APAF1: variants seen among roughly 807,000 people sequenced by gnomAD.
APAF1 encodes apoptotic peptidase activating factor 1.
A neutral mutation model predicts 152.4 loss-of-function variants in APAF1; 91 were observed. The observed-to-expected ratio is 0.60, with a 90% CI of 0.50 to 0.71. The LOEUF (loss-of-function observed/expected upper bound fraction) is 0.71, where lower values mean the gene tolerates loss of function less well. Among genes scored for constraint, APAF1 ranks in the 30% least tolerant of loss-of-function variants. The pLI, the probability that APAF1 is intolerant of heterozygous loss-of-function variation, is 0.00. For missense variants in APAF1, 1,283 were observed against 1,472.0 expected, an observed-to-expected ratio of 0.87 and a Z score of 2.10; for synonymous variants, 484 against 494.1, an observed-to-expected ratio of 0.98 and a Z score of 0.27.
intron 12 of APAF1, among the ~76,000 whole-genome samples, chr12:98,673,184 A>C (rs1020997323): frequency 6.6e-6 from 1 of 152,056 alleles, no homozygotes; most frequent in African/African-American, 2.4e-5. Flanking sequence ...ATGGGATTTA[A>C]ACCTTGGATC....
At chr12:98,720,868 G>A (rs931225196) in intron 22 of APAF1, among the ~76,000 whole-genome samples, 7 of 152,132 alleles carry the variant, frequency 4.6e-5, no homozygotes, top group Admixed American at 1.3e-4. Flanking sequence ...TCAGGAGGCT[G>A]AGGCAGGAGA....
chr12:98,719,102 C>A (rs1254627387), intron 22 of APAF1, among the ~76,000 whole-genome samples: 4 of 152,178 alleles, frequency 2.6e-5, no homozygotes, highest in African/African-American at 7.2e-5. Flanking sequence ...ATTTTGAGAG[C>A]TCACAAGGCT....
intron 13 of APAF1, among the ~76,000 whole-genome samples, chr12:98,679,828 C>T (rs181407546): frequency 5.8e-4 from 89 of 152,396 alleles, no homozygotes; most frequent in Admixed American, 5.5e-3. Flanking sequence ...GCAGTCAGCA[C>T]GTCTGTGCGC....
At chr12:98,680,152 C>G in intron 13 of APAF1, 125 bp from the exon 14 acceptor site, 1 of 951,474 alleles carries the variant, frequency 1.1e-6, no homozygotes, top group Non-Finnish European at 1.5e-6. Flanking sequence ...TTGGGAGTAG[C>G]TTTGCCAAGG....
At chr12:98,705,936 C>T (rs1432674380) in intron 18 of APAF1, among the ~76,000 whole-genome samples, 2 of 152,194 alleles carry the variant, frequency 1.3e-5, no homozygotes, top group African/African-American at 2.4e-5. Context: ...GTCTTGCTTT[C>T]ATCCCTATCC....
In APAF1 at chr12:98,725,559, T is replaced by G. The variant is rs770938196; in HGVS notation, c.3456+19T>G. The G allele has an allele frequency of 3.7e-6, 6 of 1,613,884 alleles. No homozygotes were observed. The South Asian group carries it at 6.6e-5, about 18-fold the overall frequency. Reference sequence around the variant, plus strand: ...AATCAGGGTAGGCTGTTTGCTGACATGAGAGCACTGCTCTTCTTGTAGCTT... The same window carrying G: ...AATCAGGGTAGGCTGTTTGCTGACAGGAGAGCACTGCTCTTCTTGTAGCTT... On this transcript the variant is annotated intron_variant, in intron 25 of 26. Coordinates refer to ENST00000551964, the MANE Select transcript of APAF1 (RefSeq NM_181861.2).
At chr12:98,658,603 A>G (rs1476692786) in intron 4 of APAF1, among the ~76,000 whole-genome samples, 1 of 152,230 alleles carries the variant, frequency 6.6e-6, no homozygotes, top group Non-Finnish European at 1.5e-5. Flanking sequence ...TTAAGTCTGT[A>G]TAAGAAAACC....
intron 17 of APAF1, 38 bp from the exon 18 acceptor site, chr12:98,703,333 T>C (rs777403695): frequency 6.2e-7 from 1 of 1,610,138 alleles, no homozygotes; most frequent in East Asian, 2.2e-5. Context: ...TCTCTTAAAG[T>C]ATTTTACCTT....
intron 4 of APAF1, among the ~76,000 whole-genome samples, chr12:98,651,241 GTATT>G (rs2097648576): frequency 6.6e-6 from 1 of 152,080 alleles, no homozygotes; most frequent in Non-Finnish European, 1.5e-5. Context: ...GCTTTTCACT[GTATT>G]TATTTATTTC....
chr12:98,653,691 A>ATATATATATATAT (rs1429273147), intron 4 of APAF1, among the ~76,000 whole-genome samples: 2 of 15,102 alleles, frequency 1.3e-4, no homozygotes, highest in African/African-American at 2.0e-4. Flanking sequence ...AAAAAAAAAA[A>ATATATATATATAT]ATATATATAT....
chr12:98,678,352 G>A (rs1011666167), intron 13 of APAF1, among the ~76,000 whole-genome samples: 4 of 152,254 alleles, frequency 2.6e-5, no homozygotes, highest in African/African-American at 7.2e-5. Flanking sequence ...GCAGGGAGGC[G>A]CAGCTGGGGC....
At chr12:98,710,861 C>T (rs376626592) in intron 20 of APAF1, among the ~76,000 whole-genome samples, 2 of 151,198 alleles carry the variant, frequency 1.3e-5, no homozygotes. Flanking sequence ...AATTGTATCA[C>T]GTCTTTGAGC....
intron 15 of APAF1, among the ~76,000 whole-genome samples, chr12:98,684,822 G>GA (rs2097696283): frequency 6.6e-6 from 1 of 152,090 alleles, no homozygotes; most frequent in African/African-American, 2.4e-5. Flanking sequence ...ATAAATACAG[G>GA]AAAAAACCTC....
intron 26 of APAF1, among the ~76,000 whole-genome samples, chr12:98,732,192 C>T (rs1011361276): frequency 6.6e-6 from 1 of 152,194 alleles, no homozygotes; most frequent in African/African-American, 2.4e-5. Flanking sequence ...CAGCACAACT[C>T]AACGGTTGGA....
chr12:98,681,124 C>T (rs745331570), intron 14 of APAF1, among the ~76,000 whole-genome samples: 1 of 152,174 alleles, frequency 6.6e-6, no homozygotes. Context: ...TGCAGTGGTA[C>T]AATCTCGGCT....
At chr12:98,710,179 G>GTTTTTTTTTTTTT (rs71443529) in intron 20 of APAF1, among the ~76,000 whole-genome samples, 3 of 127,740 alleles carry the variant, frequency 2.3e-5, no homozygotes, top group Non-Finnish European at 1.6e-5. Context: ...CGGCCTAAGG[G>GTTTTTTTTTTTTT]TTTTTTTTTT....
chr12:98,658,352 G>C (rs2097660452), intron 4 of APAF1, among the ~76,000 whole-genome samples: 2 of 152,148 alleles, frequency 1.3e-5, no homozygotes, highest in South Asian at 4.1e-4. Flanking sequence ...GTGTTTACTA[G>C]TTTGAAGCTT....
chr12:98,687,327 A>G (rs2097699037), intron 16 of APAF1, among the ~76,000 whole-genome samples: 1 of 150,054 alleles, frequency 6.7e-6, no homozygotes, highest in Non-Finnish European at 1.5e-5. Context: ...ACGCCACTCC[A>G]CTCCAGCCTG....
At chr12:98,695,233 A>G (rs958317005) in intron 16 of APAF1, among the ~76,000 whole-genome samples, 1 of 151,726 alleles carries the variant, frequency 6.6e-6, no homozygotes, top group African/African-American at 2.4e-5. Flanking sequence ...TTGTGTTTTT[A>G]GTAGAGACGG....
Sources: allele counts gnomAD v4.1 joint callset (sites outside exome capture counted in the v4.1 genomes callset), GRCh38; gene constraint gnomAD v4.1.1; transcripts MANE v1.5; gene names NCBI Gene and HGNC (gene_info 2026-07-23, HGNC 2026-07-21).